The following PCDH9 variants were observed in gnomAD, a reference collection of about 807,000 sequenced individuals.
PCDH9 encodes the protein protocadherin 9.
A neutral mutation model predicts 70.6 loss-of-function variants in PCDH9; 24 were observed. The ratio of observed to expected loss-of-function variants is 0.34; its 90% confidence interval spans 0.25 to 0.48. The LOEUF (loss-of-function observed/expected upper bound fraction) is 0.48, where lower values mean the gene tolerates loss of function less well. PCDH9 is among the 20% of genes least tolerant of loss of function. The pLI is 0.99. For synonymous variants in PCDH9, 562 were observed against 558.5 expected (o/e 1.01, Z -0.09); for missense variants, 1,281 against 1,503.6 (o/e 0.85, Z 2.45).
intron 4 of PCDH9, among the ~76,000 whole-genome samples, chr13:66,623,436 T>C (rs1414033683): frequency 1.3e-5 from 2 of 151,988 alleles, no homozygotes; most frequent in African/African-American, 4.8e-5. Context: ...AGGCTTTTTC[T>C]TTTTCTTTTT....
chr13:66,891,437 G>A (rs1413382165), intron 3 of PCDH9, among the ~76,000 whole-genome samples: 5 of 151,970 alleles, frequency 3.3e-5, no homozygotes, highest in Non-Finnish European at 5.9e-5. Flanking sequence ...TAAACATCCT[G>A]TGAAATTTTG....
At chr13:66,865,642 G>A (rs1203369599) in intron 3 of PCDH9, among the ~76,000 whole-genome samples, 2 of 152,252 alleles carry the variant, frequency 1.3e-5, no homozygotes, top group South Asian at 4.2e-4. Flanking sequence ...TCTGGTGTAG[G>A]TATGCCTGAT....
intron 4 of PCDH9, among the ~76,000 whole-genome samples, chr13:66,545,674 C>T (rs534577926): frequency 6.2e-4 from 94 of 152,066 alleles, no homozygotes; most frequent in African/African-American, 2.0e-3. Flanking sequence ...ATGATGTTGG[C>T]GTAAACAACT....
At chr13:66,849,517 T>TATATATATATATAGAGAGAGAGAGAG (rs1272589939) in intron 3 of PCDH9, among the ~76,000 whole-genome samples, 1 of 63,584 alleles carries the variant, frequency 1.6e-5, no homozygotes, top group African/African-American at 8.3e-5. Flanking sequence ...TATATATATA[T>TATATATATATATAGAGAGAGAGAGAG]AGAGAGAGAG....
intron 2 of PCDH9, among the ~76,000 whole-genome samples, chr13:67,015,070 C>A (rs2084531745): frequency 6.6e-6 from 1 of 152,096 alleles, no homozygotes; most frequent in South Asian, 2.1e-4. Context: ...GAGGATACTC[C>A]ATATTTGTAA....
chr13:66,952,304 A>C, intron 2 of PCDH9, among the ~76,000 whole-genome samples: 1 of 152,140 alleles, frequency 6.6e-6, no homozygotes, highest in Non-Finnish European at 1.5e-5. Context: ...TACAGCCACC[A>C]CTGTTCTAAT....
At chr13:67,005,691 T>C (rs957161441) in intron 2 of PCDH9, among the ~76,000 whole-genome samples, 13 of 152,240 alleles carry the variant, frequency 8.5e-5, no homozygotes, top group African/African-American at 2.7e-4. Flanking sequence ...ACAAATAATA[T>C]GCTTATTTCT....
At chr13:66,311,338 C>T (rs371724763) in intron 4 of PCDH9, among the ~76,000 whole-genome samples, 35 of 128,188 alleles carry the variant, frequency 2.7e-4, no homozygotes, top group African/African-American at 6.2e-4. Context: ...CTCAATTTTT[C>T]TCTCTCTCTC....
chr13:66,306,695 C>T (rs1469455555), intron 4 of PCDH9, among the ~76,000 whole-genome samples: 1 of 151,686 alleles, frequency 6.6e-6, no homozygotes, highest in East Asian at 1.9e-4. Context: ...ACCATATTCC[C>T]ATCCCCTCAA....
At chr13:66,768,287 T>C (rs369099502) in intron 3 of PCDH9, among the ~76,000 whole-genome samples, 19 of 152,186 alleles carry the variant, frequency 1.2e-4, no homozygotes, top group African/African-American at 3.6e-4. Context: ...TTATAACTCA[T>C]ATGATTAGCC....
At chr13:67,070,552 T>C (rs939349259) in intron 2 of PCDH9, among the ~76,000 whole-genome samples, 1 of 152,316 alleles carries the variant, frequency 6.6e-6, no homozygotes, top group East Asian at 1.9e-4. Flanking sequence ...TGTTTGTTTA[T>C]AATGATTACA....
chr13:67,214,201 TAA>T (rs552926570), intron 2 of PCDH9: 6 of 152,310 alleles, frequency 3.9e-5, no homozygotes, highest in Admixed American at 2.6e-4. Context: ...AAAATGAATA[TAA>T]GTTAAATTAA....
intron 4 of PCDH9, among the ~76,000 whole-genome samples, chr13:66,313,417 T>C (rs1955597729): frequency 1.3e-5 from 2 of 152,242 alleles, no homozygotes; most frequent in African/African-American, 2.4e-5. Context: ...TCTAATTTGA[T>C]GTGAAGCACA....
intron 3 of PCDH9, among the ~76,000 whole-genome samples, chr13:66,784,258 C>A (rs1376354485): frequency 6.6e-6 from 1 of 152,026 alleles, no homozygotes; most frequent in Non-Finnish European, 1.5e-5. Context: ...AAATTTGGGT[C>A]AATAGGCTAT....
chr13:67,112,902 G>A (rs1485695705), intron 2 of PCDH9, among the ~76,000 whole-genome samples: 1 of 150,712 alleles, frequency 6.6e-6, no homozygotes, highest in Non-Finnish European at 1.5e-5. Context: ...GTAATTTTTT[G>A]TTATTTTTTG....
chr13:67,029,343 C>T (rs1227836415), intron 2 of PCDH9, among the ~76,000 whole-genome samples: 1 of 152,154 alleles, frequency 6.6e-6, no homozygotes, highest in Non-Finnish European at 1.5e-5. Context: ...AATCTTAACG[C>T]AGTCTTTGCA....
intron 4 of PCDH9, among the ~76,000 whole-genome samples, chr13:66,406,866 T>C (rs1190484138): frequency 6.6e-6 from 1 of 152,224 alleles, no homozygotes; most frequent in African/African-American, 2.4e-5. Flanking sequence ...CATCATGTTT[T>C]CATCTGATAT....
At chr13:66,309,123 A>G (rs1341193237) in intron 4 of PCDH9, among the ~76,000 whole-genome samples, 1 of 152,068 alleles carries the variant, frequency 6.6e-6, no homozygotes, top group Non-Finnish European at 1.5e-5. Flanking sequence ...ATGACATTAA[A>G]TAGGGAAAAG....
chr13:66,704,237 C>T (rs78964416), intron 3 of PCDH9, among the ~76,000 whole-genome samples: 2,983 of 152,196 alleles, frequency 0.02, 104 homozygotes, highest in African/African-American at 0.068. Flanking sequence ...TGTTCAATTA[C>T]GAATGAAGTA....
Sources: allele counts gnomAD v4.1 joint callset (sites outside exome capture counted in the v4.1 genomes callset), GRCh38; gene constraint gnomAD v4.1.1; transcripts MANE v1.5; gene names NCBI Gene and HGNC (gene_info 2026-07-23, HGNC 2026-07-21).